The following SNX29 variants were observed in gnomAD, a reference collection of about 807,000 sequenced individuals.
SNX29 encodes the protein sorting nexin-29.
SNX29 carries 78 observed loss-of-function variants against 102.1 expected under a neutral mutation model. That is an observed-to-expected ratio of 0.76 (90% confidence interval 0.64 to 0.92). The LOEUF (loss-of-function observed/expected upper bound fraction) is 0.92. Among genes scored for constraint, SNX29 ranks in the 40% least tolerant of loss-of-function variants. The pLI, the probability that SNX29 is intolerant of heterozygous loss-of-function variation, is 0.00. For synonymous variants in SNX29, 580 were observed against 414.5 expected (o/e 1.40, Z -4.85); for missense variants, 1,280 against 1,061.7 (o/e 1.21, Z -2.86).
chr16:12,331,931 A>G (rs2081302583), intron 15 of SNX29, among the ~76,000 whole-genome samples: 1 of 152,020 alleles, frequency 6.6e-6, no homozygotes, highest in African/African-American at 2.4e-5. Context: ...GTGGTGGCGC[A>G]CGCCTGTAGT....
intron 11 of SNX29, 28 bp from the exon 12 acceptor site, chr16:12,126,605 T>G (rs368322888): frequency 3.8e-5 from 61 of 1,612,748 alleles, no homozygotes; most frequent in Non-Finnish European, 4.9e-5. Context: ...ACCTGCCAAT[T>G]AATCTTGACT....
intron 13 of SNX29, among the ~76,000 whole-genome samples, chr16:12,183,401 C>CT (rs1254551687): frequency 6.6e-6 from 1 of 151,994 alleles, no homozygotes; most frequent in Non-Finnish European, 1.5e-5. Context: ...TACCGTCCAC[C>CT]TAGATTTACC....
chr16:12,480,023 T>C (rs2087832012), intron 19 of SNX29, among the ~76,000 whole-genome samples: 1 of 152,228 alleles, frequency 6.6e-6, no homozygotes, highest in Non-Finnish European at 1.5e-5. Context: ...AAATGAACTT[T>C]ACCATGGACA....
chr16:12,534,843 C>T (rs189094075), intron 20 of SNX29, among the ~76,000 whole-genome samples: 1 of 152,272 alleles, frequency 6.6e-6, no homozygotes, highest in East Asian at 1.9e-4. Flanking sequence ...TGAATGCAGA[C>T]ATTTTTGATT....
chr16:12,243,717 G>A (rs1661783813), intron 14 of SNX29, among the ~76,000 whole-genome samples: 1 of 152,208 alleles, frequency 6.6e-6, no homozygotes, highest in Non-Finnish European at 1.5e-5. Flanking sequence ...AGGCTGGATT[G>A]CAGGCCTGGT....
chr16:12,521,618 C>G (rs2090105392), intron 19 of SNX29, among the ~76,000 whole-genome samples: 1 of 152,204 alleles, frequency 6.6e-6, no homozygotes, highest in Non-Finnish European at 1.5e-5. Flanking sequence ...GAGCTCCTTT[C>G]TTGTCTTCCT....
At chr16:12,316,044 CG>C (rs1465764767) in intron 15 of SNX29, among the ~76,000 whole-genome samples, 1 of 152,108 alleles carries the variant, frequency 6.6e-6, no homozygotes. Flanking sequence ...GAAGAAGGCA[CG>C]GGGTGATGTG....
rs570559820 is a variant in SNX29 at position 12,036,565 on chromosome 16, A to T, written c.248-6332A>T. Reference sequence around the variant, plus strand: ...TAGCCAGGATGGTCTCGATCTCCTGACCTCGTGATCCACCTGCCTCGGCCT... The same window carrying T: ...TAGCCAGGATGGTCTCGATCTCCTGTCCTCGTGATCCACCTGCCTCGGCCT... On this transcript the variant is annotated intron_variant, in intron 4 of 20. Transcript: ENST00000566228. 1.1e-4 allele frequency among the ~76,000 whole-genome samples: 17 copies of T among 151,820 alleles called. No individual in the cohort carries two copies. In the South Asian group the frequency reaches 2.9e-3, roughly 26 times the overall value.
chr16:12,142,073 C>A (rs372992442), intron 13 of SNX29, among the ~76,000 whole-genome samples: 1 of 152,330 alleles, frequency 6.6e-6, no homozygotes, highest in East Asian at 1.9e-4. Flanking sequence ...TTAGCTCTTT[C>A]CCAAGTGTTC....
intron 15 of SNX29, among the ~76,000 whole-genome samples, chr16:12,292,617 A>G (rs1294242462): frequency 6.6e-6 from 1 of 152,228 alleles, no homozygotes; most frequent in Non-Finnish European, 1.5e-5. Flanking sequence ...CTGCCAGAAG[A>G]CTTTCAGCTT....
At chr16:12,078,786 T>C in intron 10 of SNX29, 47 bp from the exon 11 acceptor site, 1 of 1,511,722 alleles carries the variant, frequency 6.6e-7, no homozygotes. Flanking sequence ...TGAGGGTGTG[T>C]ACTTTCAGTG....
At chr16:12,552,077 T>C (rs2078013549) in intron 20 of SNX29, among the ~76,000 whole-genome samples, 2 of 152,184 alleles carry the variant, frequency 1.3e-5, no homozygotes, top group Admixed American at 1.3e-4. Flanking sequence ...TCTGTCTCAA[T>C]CACTCAACTG....
intron 8 of SNX29, among the ~76,000 whole-genome samples, chr16:12,054,028 C>T (rs866397260): frequency 2.0e-5 from 3 of 150,090 alleles, no homozygotes; most frequent in African/African-American, 2.5e-5. Context: ...GGTGCAGTGG[C>T]GTGATCTCGG....
chr16:12,565,986 A>C (rs2078987667), intron 20 of SNX29, among the ~76,000 whole-genome samples: 1 of 152,036 alleles, frequency 6.6e-6, no homozygotes, highest in South Asian at 2.1e-4. Flanking sequence ...ACCTGAGACC[A>C]CTTCTGCACC....
At chr16:12,029,760 T>G in intron 4 of SNX29, 1 of 355,890 alleles carries the variant, frequency 2.8e-6, no homozygotes, top group South Asian at 2.1e-5. Flanking sequence ...TCTGGCTAAT[T>G]TTTGTATTTT....
chr16:11,986,875 T>A (rs990948838), intron 1 of SNX29, among the ~76,000 whole-genome samples: 5 of 152,208 alleles, frequency 3.3e-5, no homozygotes, highest in Non-Finnish European at 5.9e-5. Context: ...AATAAAACTT[T>A]ATTTAGAAAA....
intron 15 of SNX29, among the ~76,000 whole-genome samples, chr16:12,303,841 C>G (rs78524474): frequency 6.6e-6 from 1 of 152,182 alleles, no homozygotes; most frequent in East Asian, 1.9e-4. Flanking sequence ...TGGGCGGAGT[C>G]ACAGCTGAGT....
At chr16:12,554,223 A>G (rs897904511) in intron 20 of SNX29, among the ~76,000 whole-genome samples, 5 of 152,200 alleles carry the variant, frequency 3.3e-5, no homozygotes, top group African/African-American at 4.8e-5. Context: ...ATAGAGCAAA[A>G]CGTGAACATC....
chr16:12,173,547 C>T (rs934641674), intron 13 of SNX29, among the ~76,000 whole-genome samples: 53 of 152,194 alleles, frequency 3.5e-4, no homozygotes, highest in Admixed American at 3.3e-3. Context: ...TATCTTTTGG[C>T]TCCAAATTCT....
Sources: gnomAD v4.1 joint callset for allele counts (sites outside exome capture counted in the v4.1 genomes callset) on GRCh38, gnomAD v4.1.1 for gene constraint, MANE v1.5 for transcripts, NCBI Gene and HGNC (gene_info 2026-07-23, HGNC 2026-07-21) for gene names.